CCDC9B: variants seen among roughly 807,000 people sequenced by gnomAD.
The protein encoded by CCDC9B is coiled-coil domain containing 9B, also known as coiled-coil domain-containing protein 9B.
Under a neutral mutation model 47.2 loss-of-function variants are expected in CCDC9B, and 40 were observed. The observed-to-expected ratio is 0.85, with a 90% confidence interval of 0.66 to 1.10. The LOEUF is 1.10. CCDC9B is among the 50% of genes least tolerant of loss of function. The pLI is 0.00. For synonymous variants in CCDC9B, 238 were observed against 250.7 expected (o/e 0.95, Z 0.48); for missense variants, 662 against 651.0 (o/e 1.02, Z -0.18).
At chr15:40,339,711 G>A in intron 2 of CCDC9B, 92 bp from the exon 3 acceptor site, 1 of 1,567,560 alleles carries the variant, frequency 6.4e-7, no homozygotes, top group South Asian at 1.2e-5. Flanking sequence ...GACACCAGTG[G>A]GACACCAGGG....
chr15:40,339,635 G>A lies in CCDC9B; in HGVS notation c.124-16C>T. The stretch of plus-strand genomic sequence containing the variant: ...CCTGGATCTCCTGTGGGAGGGCTGG[G>A]GGTCAGCACACGCCATGGCCCCCCA... On this transcript the variant is annotated splice_polypyrimidine_tract_variant and intron_variant, in intron 2 of 10. Coordinates refer to ENST00000397536, the MANE Select transcript of CCDC9B (RefSeq NM_207380.3). 6.2e-7 allele frequency: 1 copy of A among 1,612,296 alleles called. No homozygotes were observed. The highest frequency in any genetic ancestry group is 1.3e-5 in the African/African-American group (1 of 75,020).
chr15:40,337,078 A>G, intron 7 of CCDC9B: 2 of 606,410 alleles, frequency 3.3e-6, no homozygotes, highest in Admixed American at 5.9e-5. Context: ...AGCTGTTTCT[A>G]CAGTAGGTCT....
At position 40,334,048 on chromosome 15, in the gene CCDC9B, C is replaced by T. The variant is rs1253116478; in HGVS notation, c.*1110G>A. 6.5e-6 allele frequency: 1 copy of T among 152,718 alleles called. No individual in the cohort carries two copies. Among genetic ancestry groups the T allele is most frequent in the African/African-American group, 2.4e-5 (1 of 41,462 alleles). 9.5% of individuals were successfully genotyped at this position (152,718 alleles called of 1,614,324 possible). A position where few individuals can be genotyped will look rare whatever the true frequency, so the allele number is the denominator to read the frequency against. On this transcript the variant is annotated 3_prime_UTR_variant, in exon 11 of 11. Coordinates refer to ENST00000397536, the MANE Select transcript of CCDC9B (RefSeq NM_207380.3). ...CCTGTGGCCCAGAACAGCTCCCGCC[C>T]AGAACAGCCCAGATCTGCCGGATGA... is the stretch of plus-strand genomic sequence containing the variant.
chr15:40,340,119 C>T, intron 1 of CCDC9B, 104 bp from the exon 2 acceptor site: 1 of 688,098 alleles, frequency 1.5e-6, no homozygotes. Context: ...AGACCCACAG[C>T]TAAGGTCACC....
At chr15:40,338,044 T>C (rs1202041170) in intron 5 of CCDC9B, 151 bp from the exon 6 acceptor site, 2 of 783,760 alleles carry the variant, frequency 2.6e-6, no homozygotes, top group South Asian at 1.5e-5. Flanking sequence ...ATGGTTTCCA[T>C]CCACTTGTTA....
At chr15:40,336,947 G>C (rs1030933149) in intron 7 of CCDC9B, 134 bp from the exon 8 acceptor site, 5 of 788,184 alleles carry the variant, frequency 6.3e-6, no homozygotes, top group South Asian at 4.7e-5. Context: ...AAGCGCCCTC[G>C]CCTGGGGGTC....
Position 40,340,808 on chromosome 15 carries a change from A to G in CCDC9B, c.12T>C (p.Ala4=), listed in dbSNP as rs1223500373. The G allele has an allele frequency of 6.2e-7, 1 of 1,608,614 alleles. No homozygotes were observed. Among genetic ancestry groups the G allele is most frequent in the Admixed American group, 1.7e-5 (1 of 59,370 alleles). Residue 4 remains alanine, a splice_region_variant and synonymous_variant, in exon 1 of 11, where the codon GCT becomes GCC. Coordinates refer to ENST00000397536, the MANE Select transcript of CCDC9B (RefSeq NM_207380.3). The part of the protein sequence containing the change: MHS[A]GTPRAESPMS... ...CTGCCAAAGGCAGACTGCCACTCAC[A>G]GCCGAGTGCATGGCAACGGCGGGCA... is the stretch of plus-strand genomic sequence containing the variant.
chr15:40,336,508 T>G, intron 9 of CCDC9B, 66 bp downstream of exon 9: 1 of 1,581,032 alleles, frequency 6.3e-7, no homozygotes, highest in South Asian at 1.1e-5. Context: ...CACCTGGGCC[T>G]GTACTGGTCC....
Position 40,338,528 on chromosome 15 carries a change from G to A in CCDC9B, c.513+7C>T. 6.2e-7 allele frequency: 1 copy of A among 1,613,222 alleles called. No individual in the cohort carries two copies. The highest frequency in any genetic ancestry group is 8.5e-7 in the Non-Finnish European group (1 of 1,179,478). Reference sequence around the variant, plus strand: ...ATCCATGTCCCCATCCCCTCTTGAAGACACACCTTCCGTGCAGAATCTGAG... The same window carrying A: ...ATCCATGTCCCCATCCCCTCTTGAAAACACACCTTCCGTGCAGAATCTGAG... On this transcript the variant is annotated splice_region_variant and intron_variant, in intron 5 of 10. Transcript: ENST00000397536.
Position 40,335,128 on chromosome 15 carries a change from C to A in CCDC9B, c.*30G>T. The A allele has an allele frequency of 6.8e-7, 1 of 1,481,390 alleles. No homozygotes were observed. Among genetic ancestry groups the A allele is most frequent in the South Asian group, 1.4e-5 (1 of 71,596 alleles). The allele number at this position is 1,481,390 out of a possible 1,614,324, so 91.8% of individuals were successfully genotyped here. On this transcript the variant is annotated 3_prime_UTR_variant, in exon 11 of 11. Coordinates refer to ENST00000397536, the MANE Select transcript of CCDC9B (RefSeq NM_207380.3). ...CAGAGTGATTCCCTTTTCCTCTCCC[C>A]GGGGACTCCCCAGCTCCCAGGAGCT... is the stretch of plus-strand genomic sequence containing the variant.
intron 1 of CCDC9B, 127 bp from the exon 2 acceptor site, chr15:40,340,142 G>A (rs2141249685): frequency 1.6e-6 from 1 of 643,220 alleles, no homozygotes; most frequent in Non-Finnish European, 2.7e-6. Context: ...GGAAGGAAGG[G>A]GATTGCTTAG....
At position 40,340,033 on chromosome 15, in the gene CCDC9B, C is replaced by A; in HGVS notation, c.13-18G>T. On this transcript the variant is annotated intron_variant, in intron 1 of 10. Transcript: ENST00000397536. ...GGAGTTCCCTGCAGAGGCAGGGAAC[C>A]CAAGCTCCTGACTTCCGGGTCCCCC... is the stretch of plus-strand genomic sequence containing the variant. The A allele has an allele frequency of 1.3e-6, 2 of 1,549,554 alleles. No homozygotes were observed. The highest frequency in any genetic ancestry group is 1.7e-5 in the Admixed American group (1 of 58,464).
At chr15:40,336,501 C>G in intron 9 of CCDC9B, 73 bp downstream of exon 9, 1 of 1,540,856 alleles carries the variant, frequency 6.5e-7, no homozygotes, top group Admixed American at 1.9e-5. Flanking sequence ...GAGCTGGCAC[C>G]TGGGCCTGTA....
At position 40,339,587 on chromosome 15, in the gene CCDC9B, C is replaced by T; in HGVS notation, c.156G>A (p.Gln52=). The change falls in exon 3 of 11, where the codon CAG becomes CAA. Residue 52 remains glutamine (Q), a synonymous_variant. Transcript: ENST00000397536. The part of the protein sequence containing the change: ...EIQEDRRQAE[Q]GGMAVTTPAL... Reference sequence around the variant, plus strand: ...CTGGTGTGGTCACAGCCATCCCCCCCTGCTCTGCCTGCCGACGGTCCTCCT... The same window carrying T: ...CTGGTGTGGTCACAGCCATCCCCCCTTGCTCTGCCTGCCGACGGTCCTCCT... 1 of 1,613,720 alleles carries T rather than the reference C, an allele frequency of 6.2e-7. No homozygotes were observed. The highest frequency in any genetic ancestry group is 8.5e-7 in the Non-Finnish European group (1 of 1,179,914).
At chr15:40,340,624 T>C in intron 1 of CCDC9B, 184 bp downstream of exon 1, 1 of 620,718 alleles carries the variant, frequency 1.6e-6, no homozygotes, top group Admixed American at 3.1e-5. Flanking sequence ...GGGCAAGCCA[T>C]GTCTCTGCAT....
intron 2 of CCDC9B, 55 bp from the exon 3 acceptor site, chr15:40,339,674 A>AT: frequency 6.2e-7 from 1 of 1,604,282 alleles, no homozygotes; most frequent in South Asian, 1.1e-5. Context: ...GCACAGAGAC[A>AT]TAGATGCTGA....
At chr15:40,340,222 G>A (rs542516093) in intron 1 of CCDC9B, 2 of 586,776 alleles carry the variant, frequency 3.4e-6, no homozygotes, top group Non-Finnish European at 6.1e-6. Flanking sequence ...TGCCTCCTCA[G>A]GGGGCTCAGG....
rs1034931605 is a variant in CCDC9B at position 40,334,690 on chromosome 15, G to C, written c.*468C>G. On this transcript the variant is annotated 3_prime_UTR_variant, in exon 11 of 11. Coordinates refer to ENST00000397536, the MANE Select transcript of CCDC9B (RefSeq NM_207380.3). ...GCGCATGGTTACTGGGATTCCCCTG[G>C]TTGGGCATCCTGGGAATCTGGGACT... 1 of 154,014 alleles carries C rather than the reference G, an allele frequency of 6.5e-6. No individual in the cohort carries two copies. The highest frequency in any genetic ancestry group is 1.9e-4 in the East Asian group (1 of 5,226). The allele number at this position is 154,014 out of a possible 1,614,324, so 9.5% of individuals were successfully genotyped here.
rs1287965513 is a variant in CCDC9B at position 40,334,457 on chromosome 15, C to G, written c.*701G>C. 6.6e-6 allele frequency: 1 copy of G among 152,196 alleles called. No homozygotes were observed. Among genetic ancestry groups the G allele is most frequent in the East Asian group, 1.9e-4 (1 of 5,186 alleles). 9.4% of individuals were successfully genotyped at this position (152,196 alleles called of 1,614,324 possible). On this transcript the variant is annotated 3_prime_UTR_variant, in exon 11 of 11. Transcript: ENST00000397536. ...TGATGTCTGACCTGGGTGTGGGGGC[C>G]TGGGAGTAAGCTCTCCCATCCTGCT...
Sources: gnomAD v4.1 joint callset for allele counts on GRCh38, gnomAD v4.1.1 for gene constraint, MANE v1.5 for transcripts, NCBI Gene and HGNC (gene_info 2026-07-23, HGNC 2026-07-21) for gene names.